PCDH11X: variants seen among roughly 807,000 people sequenced by gnomAD.
The protein encoded by PCDH11X is protocadherin 11 X-linked.
PCDH11X carries 18 observed loss-of-function variants against 53.3 expected under a neutral mutation model. That is an observed-to-expected ratio of 0.34 (90% confidence interval 0.23 to 0.50). The LOEUF is 0.50. PCDH11X is among the 20% of genes least tolerant of loss of function. The pLI, the probability that PCDH11X is intolerant of heterozygous loss-of-function variation, is 0.98. For synonymous variants in PCDH11X, 279 were observed against 393.3 expected (o/e 0.71, Z 3.44); for missense variants, 570 against 1,032.4 (o/e 0.55, Z 6.14).
At chrX:92,535,611 C>T (rs1690313816) in intron 10 of PCDH11X, among the ~76,000 whole-genome samples, 1 of 111,361 alleles carries the variant, frequency 9.0e-6, no homozygotes, top group Non-Finnish European at 1.9e-5. Context: ...ATCTGTAAAA[C>T]AAACCCCTAT....
chrX:91,958,283 C>T (rs2061736610), intron 6 of PCDH11X, among the ~76,000 whole-genome samples: 1 of 111,885 alleles, frequency 8.9e-6, no homozygotes, highest in East Asian at 2.8e-4. Context: ...GTGGGGCACA[C>T]AGAACAATGC....
chrX:92,281,591 A>G (rs1243803501), intron 8 of PCDH11X, among the ~76,000 whole-genome samples: 6 of 112,178 alleles, frequency 5.3e-5, no homozygotes, highest in African/African-American at 1.9e-4. Context: ...ATTAAGATCA[A>G]TTAAACTTAA....
At position 92,596,699 on chromosome X, in the gene PCDH11X, T is replaced by G. The variant is rs1221109525; in HGVS notation, c.3368-21565T>G. ...AGAGGATGAGAAAATACTTCCAAAC[T>G]CATTCTACGAATCTAATATTAGCAT... On this transcript the variant is annotated intron_variant, in intron 10 of 10. Transcript: ENST00000682573. Among the ~76,000 whole-genome samples the G allele has an allele frequency of 1.4e-4, 15 of 107,598 alleles. No individual in the cohort carries two copies. The Admixed American group carries it at 1.5e-3, about 11-fold the overall frequency. 93.4% of individuals were successfully genotyped at this position (107,598 alleles called of 115,157 possible). A position where few individuals can be genotyped will look rare whatever the true frequency, so the allele number is the denominator to read the frequency against.
chrX:92,512,595 T>A (rs1368721470), intron 10 of PCDH11X, among the ~76,000 whole-genome samples: 1 of 111,672 alleles, frequency 9.0e-6, no homozygotes, highest in Non-Finnish European at 1.9e-5. Context: ...AAGAAAAATG[T>A]CTAATTAAAA....
intron 9 of PCDH11X, among the ~76,000 whole-genome samples, chrX:92,451,786 A>G (rs2072786446): frequency 8.9e-6 from 1 of 111,983 alleles, no homozygotes; most frequent in Non-Finnish European, 1.9e-5. Flanking sequence ...TGATCAGAGA[A>G]TACTTTAGTA....
chrX:92,545,412 T>G (rs1461702175), intron 10 of PCDH11X, among the ~76,000 whole-genome samples: 2 of 58,055 alleles, frequency 3.4e-5, no homozygotes, highest in South Asian at 9.8e-4. Flanking sequence ...TTTTTTTTTT[T>G]TGTTTTTGAG....
At chrX:92,431,384 G>C (rs1015857939) in intron 9 of PCDH11X, among the ~76,000 whole-genome samples, 33 of 110,276 alleles carry the variant, frequency 3.0e-4, no homozygotes. Context: ...ATTATACAAA[G>C]GAAGTATGAA....
intron 8 of PCDH11X, among the ~76,000 whole-genome samples, chrX:92,279,652 T>TTG (rs2068203100): frequency 8.9e-6 from 1 of 112,418 alleles, no homozygotes; most frequent in Non-Finnish European, 1.9e-5. Flanking sequence ...AAACAAACGC[T>TTG]CCTATTAACT....
At chrX:92,591,184 T>A (rs1190419202) in intron 10 of PCDH11X, among the ~76,000 whole-genome samples, 1 of 110,515 alleles carries the variant, frequency 9.0e-6, no homozygotes. Context: ...CTCCATGAAA[T>A]GGAAAAAGGT....
At chrX:91,964,865 T>C (rs1602576716) in intron 6 of PCDH11X, among the ~76,000 whole-genome samples, 1 of 111,600 alleles carries the variant, frequency 9.0e-6, no homozygotes, top group Non-Finnish European at 1.9e-5. Flanking sequence ...AGACAGCTCT[T>C]GAAAACAGGA....
chrX:92,159,839 T>C (rs1458603325), intron 6 of PCDH11X, among the ~76,000 whole-genome samples: 1 of 77,001 alleles, frequency 1.3e-5, no homozygotes, highest in Non-Finnish European at 2.6e-5. Flanking sequence ...TTTGTAAGGG[T>C]TAAAGCTGAG....
chrX:92,054,092 T>G (rs1396813413), intron 6 of PCDH11X, among the ~76,000 whole-genome samples: 1 of 111,921 alleles, frequency 8.9e-6, no homozygotes. Flanking sequence ...ATCATTTAAC[T>G]GAAGATACTA....
intron 7 of PCDH11X, among the ~76,000 whole-genome samples, chrX:92,214,537 C>A (rs995568047): frequency 1.8e-5 from 2 of 111,610 alleles, no homozygotes; most frequent in Admixed American, 9.6e-5. Flanking sequence ...AAGGTTAGCA[C>A]AATAAAGTTT....
At chrX:92,115,822 C>T (rs935593783) in intron 6 of PCDH11X, among the ~76,000 whole-genome samples, 2 of 108,727 alleles carry the variant, frequency 1.8e-5, no homozygotes, top group African/African-American at 6.7e-5. Context: ...ATGATGCCCA[C>T]CCAGACTGAG....
chrX:92,135,226 C>T lies in PCDH11X; in HGVS notation c.3034-66149C>T, dbSNP rs181267073. Among the ~76,000 whole-genome samples the T allele has an allele frequency of 9.0e-5, 10 of 111,480 alleles. No individual in the cohort carries two copies. In the South Asian group the frequency reaches 2.2e-3, roughly 25 times the overall value. On this transcript the variant is annotated intron_variant, in intron 6 of 10. Transcript: ENST00000682573. ...CATTTTATAGTGGAATCGTTTTATT[C>T]GTCTTCTCTGAGTTCAGAGTTTTTT...
intron 6 of PCDH11X, among the ~76,000 whole-genome samples, chrX:91,939,222 A>C (rs906984488): frequency 9.0e-6 from 1 of 111,433 alleles, no homozygotes; most frequent in African/African-American, 3.3e-5. Flanking sequence ...CACAGGATGA[A>C]ATTCATGTTA....
chrX:92,123,617 A>G (rs926574675), intron 6 of PCDH11X, among the ~76,000 whole-genome samples: 9 of 101,527 alleles, frequency 8.9e-5, no homozygotes, highest in African/African-American at 3.3e-4. Flanking sequence ...CCCTCACCAG[A>G]CTCTATTTAT....
intron 7 of PCDH11X, among the ~76,000 whole-genome samples, chrX:92,212,511 T>A (rs1173003477): frequency 9.0e-6 from 1 of 110,873 alleles, no homozygotes; most frequent in African/African-American, 3.3e-5. Context: ...CCACCATGCC[T>A]GGCTAATTTT....
intron 10 of PCDH11X, among the ~76,000 whole-genome samples, chrX:92,484,333 G>A (rs1402642976): frequency 9.8e-5 from 10 of 101,768 alleles, no homozygotes; most frequent in Non-Finnish European, 2.0e-4. Flanking sequence ...ATGCTAGATC[G>A]AATGGTACAT....
Sources: allele counts gnomAD v4.1 joint callset (sites outside exome capture counted in the v4.1 genomes callset), GRCh38; gene constraint gnomAD v4.1.1; transcripts MANE v1.5; gene names NCBI Gene and HGNC (gene_info 2026-07-23, HGNC 2026-07-21).